The following C12orf42 variants were observed in gnomAD, a reference collection of about 807,000 sequenced individuals.
C12orf42 encodes the protein chromosome 12 open reading frame 42, also known as uncharacterized protein C12orf42.
Under a neutral mutation model 21.6 loss-of-function variants are expected in C12orf42, and 25 were observed. The observed-to-expected ratio is 1.16, with a 90% CI of 0.84 to 1.62. The LOEUF (loss-of-function observed/expected upper bound fraction) is 1.62. Ranked by LOEUF, C12orf42 falls within the 40% of genes most tolerant of loss-of-function variation. C12orf42 has a pLI of 0.00. For missense variants in C12orf42, 483 were observed against 459.3 expected (o/e 1.05, Z -0.47); for synonymous variants, 174 against 175.0 (o/e 0.99, Z 0.05).
intron 1 of C12orf42, among the ~76,000 whole-genome samples, chr12:103,491,042 T>A (rs551172098): frequency 3.9e-5 from 6 of 152,188 alleles, no homozygotes; most frequent in Non-Finnish European, 7.4e-5. Flanking sequence ...GGCAATCATA[T>A]AAATTAGAAA....
At chr12:103,099,179 GATATTAAATGCTCCAAA>G in the C12orf42 span, among the ~76,000 whole-genome samples, 1 of 152,116 alleles carries the variant, frequency 6.6e-6, no homozygotes, top group African/African-American at 2.4e-5. Flanking sequence ...ATATGACCTG[GATATTAAATGCTCCAAA>G]ATATTAAATA....
At chr12:103,093,352 C>A in the C12orf42 span, among the ~76,000 whole-genome samples, 1 of 152,266 alleles carries the variant, frequency 6.6e-6, no homozygotes, top group African/African-American at 2.4e-5. Context: ...CCGCCATGCC[C>A]ATTTACACAT....
chr12:103,373,729 G>A (rs939050815), intron 3 of C12orf42, among the ~76,000 whole-genome samples: 20 of 152,306 alleles, frequency 1.3e-4, no homozygotes, highest in African/African-American at 4.6e-4. Context: ...TTATTTGGCA[G>A]AAAGTTTTCT....
chr12:103,460,306 G>A (rs1952611680), intron 2 of C12orf42, among the ~76,000 whole-genome samples: 1 of 150,216 alleles, frequency 6.7e-6, no homozygotes, highest in Non-Finnish European at 1.5e-5. Flanking sequence ...GAGATTGAAA[G>A]CAAAGGAATT....
chr12:103,153,642 A>G, the C12orf42 span, among the ~76,000 whole-genome samples: 2 of 152,142 alleles, frequency 1.3e-5, no homozygotes, highest in Non-Finnish European at 2.9e-5. Flanking sequence ...GGATGACCAA[A>G]ATAAAAAAGA....
the C12orf42 span, among the ~76,000 whole-genome samples, chr12:103,562,692 T>C: frequency 6.6e-6 from 1 of 152,194 alleles, no homozygotes; most frequent in Non-Finnish European, 1.5e-5. Flanking sequence ...AGGAACTTTC[T>C]GAAAATCCAT....
At chr12:103,551,310 T>C in the C12orf42 span, among the ~76,000 whole-genome samples, 3 of 152,188 alleles carry the variant, frequency 2.0e-5, no homozygotes, top group Admixed American at 6.5e-5. Context: ...TTTTTCAACA[T>C]TTTCTATAGA....
At chr12:103,497,129 A>C (rs1955581476), upstream of C12orf42, among the ~76,000 whole-genome samples, 1 of 152,210 alleles carries the variant, frequency 6.6e-6, no homozygotes, top group Non-Finnish European at 1.5e-5. Context: ...CCACACAGAA[A>C]ATGACAGTTC....
chr12:103,331,891 T>C (rs1230611247), intron 4 of C12orf42, among the ~76,000 whole-genome samples: 1 of 152,132 alleles, frequency 6.6e-6, no homozygotes, highest in African/African-American at 2.4e-5. Flanking sequence ...CATGAACTCC[T>C]ATGGAGAATT....
chr12:103,093,886 T>A, the C12orf42 span, among the ~76,000 whole-genome samples: 21 of 152,326 alleles, frequency 1.4e-4, no homozygotes, highest in Middle Eastern at 3.4e-3. Flanking sequence ...GTCCTCTGTG[T>A]CGGCAGCCTC....
intron 4 of C12orf42, among the ~76,000 whole-genome samples, chr12:103,290,779 G>A (rs898896625): frequency 7.9e-5 from 12 of 151,992 alleles, no homozygotes; most frequent in Non-Finnish European, 1.8e-4. Flanking sequence ...TTCCATGCAC[G>A]CTATACATTT....
At chr12:103,479,845 G>T (rs1954336023) in intron 1 of C12orf42, among the ~76,000 whole-genome samples, 1 of 151,896 alleles carries the variant, frequency 6.6e-6, no homozygotes, top group African/African-American at 2.4e-5. Flanking sequence ...GCTAAATTTT[G>T]TTTGTTAATA....
At chr12:103,398,195 T>C (rs2047693132) in intron 3 of C12orf42, among the ~76,000 whole-genome samples, 1 of 152,210 alleles carries the variant, frequency 6.6e-6, no homozygotes, top group African/African-American at 2.4e-5. Flanking sequence ...TCATCTGACA[T>C]TTTCATTTGT....
chr12:103,243,417 A>G (rs1412000481), intron 10 of C12orf42, among the ~76,000 whole-genome samples: 1 of 152,114 alleles, frequency 6.6e-6, no homozygotes, highest in Non-Finnish European at 1.5e-5. Context: ...CATGCTATAT[A>G]TGCCCCAGTC....
the C12orf42 span, among the ~76,000 whole-genome samples, chr12:103,502,918 T>C: frequency 6.6e-6 from 1 of 152,228 alleles, no homozygotes; most frequent in East Asian, 1.9e-4. Flanking sequence ...GATAGTCCAA[T>C]ATTACAGTGA....
upstream of C12orf42, among the ~76,000 whole-genome samples, chr12:103,496,495 C>T (rs1403886645): frequency 6.6e-6 from 1 of 152,160 alleles, no homozygotes; most frequent in Admixed American, 6.5e-5. Flanking sequence ...TATCCCACCT[C>T]CGACTGGTCA....
chr12:103,557,014 C>T, the C12orf42 span, among the ~76,000 whole-genome samples: 1 of 151,554 alleles, frequency 6.6e-6, no homozygotes, highest in Non-Finnish European at 1.5e-5. Context: ...CCTGCCAACA[C>T]CTTGACTTCT....
rs1156750027 is a variant in C12orf42, at chr12:103,344,969, A to G, written c.259+23918T>C. Among the ~76,000 whole-genome samples, 5 of 152,244 alleles carry G rather than the reference A, an allele frequency of 3.3e-5. 1 individual carries two copies. The East Asian group carries it at 9.6e-4, about 29-fold the overall frequency. On this transcript the variant is annotated intron_variant, in intron 4 of 5. Coordinates refer to ENST00000548883, the MANE Select transcript of C12orf42 (RefSeq NM_198521.5). ...TTTAACTTCACTGGATTCAGGTCCCATGATGGCAGTACAACTTAGTAGCTA... is the reference window on the plus strand; with the variant it reads ...TTTAACTTCACTGGATTCAGGTCCCGTGATGGCAGTACAACTTAGTAGCTA...
At chr12:103,195,096 A>G in the C12orf42 span, among the ~76,000 whole-genome samples, 1 of 152,258 alleles carries the variant, frequency 6.6e-6, no homozygotes. Flanking sequence ...ATGACCTCCA[A>G]TTCCAACCAT....
Sources: gnomAD v4.1 joint callset for allele counts (sites outside exome capture counted in the v4.1 genomes callset) on GRCh38, gnomAD v4.1.1 for gene constraint, MANE v1.5 for transcripts, NCBI Gene and HGNC (gene_info 2026-07-23, HGNC 2026-07-21) for gene names.